The following SASH1 variants were observed in gnomAD, a reference collection of about 807,000 sequenced individuals.
The protein encoded by SASH1 is SAM and SH3 domain-containing protein 1.
In SASH1, 44 loss-of-function variants were observed where a neutral mutation model predicts 125.2. That is an observed-to-expected ratio of 0.35 (90% CI 0.28 to 0.45). SASH1 has a LOEUF of 0.45. SASH1 is among the 20% of genes least tolerant of loss of function. SASH1 has a pLI of 1.00. For synonymous variants in SASH1, 639 were observed against 649.1 expected (o/e 0.98, Z 0.24); for missense variants, 1,426 against 1,614.5 (o/e 0.88, Z 2.00).
chr6:148,485,651 G>T (rs1402010460), intron 7 of SASH1, among the ~76,000 whole-genome samples: 1 of 152,144 alleles, frequency 6.6e-6, no homozygotes, highest in Non-Finnish European at 1.5e-5. Flanking sequence ...ATTTGGTTCT[G>T]CATTCAAGCT....
intron 7 of SASH1, among the ~76,000 whole-genome samples, chr6:148,477,728 T>C: frequency 6.9e-6 from 1 of 143,964 alleles, no homozygotes; most frequent in African/African-American, 2.7e-5. Flanking sequence ...GATGGAGTCT[T>C]GCTCTGTCGC....
intron 6 of SASH1, among the ~76,000 whole-genome samples, chr6:148,473,843 C>CT (rs1444368750): frequency 6.6e-6 from 1 of 152,164 alleles, no homozygotes; most frequent in Non-Finnish European, 1.5e-5. Context: ...ACTGGGTACT[C>CT]TATCTCAAAG....
At chr6:148,515,502 G>A (rs6907974) in intron 9 of SASH1, among the ~76,000 whole-genome samples, 31,392 of 151,944 alleles carry the variant, frequency 0.21, 3,324 homozygotes, top group East Asian at 0.28. Flanking sequence ...GAATAATACC[G>A]AAGCTAAGTG....
intron 1 of SASH1, among the ~76,000 whole-genome samples, chr6:148,352,589 T>G (rs1336405197): frequency 7.1e-6 from 1 of 141,416 alleles, no homozygotes; most frequent in Non-Finnish European, 1.5e-5. Context: ...AGAGTGAGAC[T>G]CCTTCTTATA....
intron 2 of SASH1, among the ~76,000 whole-genome samples, chr6:148,420,181 G>A (rs1784997662): frequency 6.6e-6 from 1 of 152,122 alleles, no homozygotes; most frequent in Admixed American, 6.5e-5. Flanking sequence ...CTATATCCCA[G>A]TTGTGGTATA....
chr6:148,207,945 C>G, the SASH1 span, among the ~76,000 whole-genome samples: 1,025 of 152,308 alleles, frequency 6.7e-3, 10 homozygotes, highest in African/African-American at 0.023. Flanking sequence ...CTGGCGCTCT[C>G]TCATCAGTCC....
intron 1 of SASH1, among the ~76,000 whole-genome samples, chr6:148,287,700 G>T (rs115854904): frequency 0.062 from 5,890 of 95,690 alleles, 158 homozygotes; most frequent in East Asian, 0.24. Flanking sequence ...TGTGTGGGGG[G>T]GTGGGGGGTG....
chr6:148,542,877 T>TGCGC (rs796143146), intron 17 of SASH1, among the ~76,000 whole-genome samples: 2 of 143,178 alleles, frequency 1.4e-5, no homozygotes, highest in African/African-American at 2.5e-5. Context: ...TGTGTGTGTG[T>TGCGC]GTGCGCGCGC....
intron 1 of SASH1, among the ~76,000 whole-genome samples, chr6:148,291,200 A>G (rs17633478): frequency 0.037 from 5,699 of 152,304 alleles, 142 homozygotes; most frequent in Middle Eastern, 0.068. Context: ...CTTGCTTCAG[A>G]TGAAATCCAT....
At chr6:148,487,563 C>G (rs775002656) in intron 7 of SASH1, 51 bp from the exon 8 acceptor site, 1 of 1,345,048 alleles carries the variant, frequency 7.4e-7, no homozygotes. Flanking sequence ...AAAGGTCTGG[C>G]CAGTGTCTGG....
chr6:148,326,348 A>ACT lies in SASH1; in HGVS notation n.74+53971_74+53972insCT, dbSNP rs1780811229. Among the ~76,000 whole-genome samples the ACT allele has an allele frequency of 1.5e-4, 13 of 87,188 alleles. 1 individual carries two copies. The highest frequency in any genetic ancestry group is 5.4e-4 in the African/African-American group (12 of 22,148). 57.2% of individuals were successfully genotyped at this position (87,188 alleles called of 152,430 possible). Reference sequence around the variant, plus strand: ...CATATATATATATATATATATATATATATATATATGCATATATATATATAT... The same window carrying ACT: ...CATATATATATATATATATATATATACTTATATATATGCATATATATATATAT... On this transcript the variant is annotated intron_variant and non_coding_transcript_variant, in intron 1 of 3. Transcript: ENST00000367469.
chr6:148,421,454 C>T (rs1785101032), intron 2 of SASH1, among the ~76,000 whole-genome samples: 1 of 152,236 alleles, frequency 6.6e-6, no homozygotes, highest in African/African-American at 2.4e-5. Flanking sequence ...CAGGCCTGTG[C>T]CACCATGCCC....
intron 1 of SASH1, among the ~76,000 whole-genome samples, chr6:148,279,996 A>AG (rs1779291904): frequency 6.7e-6 from 1 of 150,168 alleles, no homozygotes; most frequent in African/African-American, 2.4e-5. Flanking sequence ...AAAAAAAAAA[A>AG]AAATCCTCCC....
intron 2 of SASH1, among the ~76,000 whole-genome samples, chr6:148,425,935 G>A (rs561323900): frequency 3.3e-5 from 5 of 152,078 alleles, no homozygotes; most frequent in East Asian, 1.9e-4. Flanking sequence ...CTGGCCAGGC[G>A]TGGTGGCGCA....
intron 2 of SASH1, among the ~76,000 whole-genome samples, chr6:148,432,628 G>A (rs1043279065): frequency 6.6e-6 from 1 of 152,226 alleles, no homozygotes; most frequent in African/African-American, 2.4e-5. Context: ...ACTGAGCTGA[G>A]CTGGTGGGCG....
chr6:148,210,781 GATTA>G, the SASH1 span, among the ~76,000 whole-genome samples: 1 of 152,132 alleles, frequency 6.6e-6, no homozygotes, highest in Admixed American at 6.5e-5. Context: ...GGAATGTTAG[GATTA>G]ATTGAGCTCT....
intron 1 of SASH1, among the ~76,000 whole-genome samples, chr6:148,372,772 A>G (rs1782748506): frequency 6.6e-6 from 1 of 152,172 alleles, no homozygotes; most frequent in Non-Finnish European, 1.5e-5. Context: ...ATACTGTCCT[A>G]AGCACAAAAA....
At chr6:148,483,593 G>T (rs1778720311) in intron 7 of SASH1, among the ~76,000 whole-genome samples, 1 of 152,174 alleles carries the variant, frequency 6.6e-6, no homozygotes, top group African/African-American at 2.4e-5. Context: ...AAAGGGAGTG[G>T]GGAGCCCTGG....
intron 8 of SASH1, chr6:148,508,745 A>G: frequency 4.0e-6 from 5 of 1,250,160 alleles, no homozygotes; most frequent in Non-Finnish European, 5.2e-6. Flanking sequence ...ATGTTCCAGG[A>G]GTGCCTAATC....
Sources: allele counts gnomAD v4.1 joint callset (sites outside exome capture counted in the v4.1 genomes callset), GRCh38; gene constraint gnomAD v4.1.1; transcripts MANE v1.5; gene names NCBI Gene and HGNC (gene_info 2026-07-23, HGNC 2026-07-21).